SUPT16H: variants seen among roughly 807,000 people sequenced by gnomAD.
SUPT16H encodes SPT16 homolog, facilitates chromatin remodeling subunit, also known as FACT complex subunit SPT16.
A neutral mutation model predicts 136.2 loss-of-function variants in SUPT16H; 24 were observed. That is an observed-to-expected ratio of 0.18 (90% CI 0.13 to 0.25). SUPT16H has a LOEUF of 0.25. Among genes scored for constraint, SUPT16H ranks in the 10% least tolerant of loss-of-function variants. SUPT16H has a pLI of 1.00. For synonymous variants in SUPT16H, 415 were observed against 428.2 expected, an observed-to-expected ratio of 0.97 and a Z score of 0.38; for missense variants, 623 against 1,270.2, an observed-to-expected ratio of 0.49 and a Z score of 7.74.
chr14:21,382,585 G>A (rs1887052915), intron 1 of SUPT16H, among the ~76,000 whole-genome samples: 1 of 152,182 alleles, frequency 6.6e-6, no homozygotes, highest in Non-Finnish European at 1.5e-5. Context: ...GGGTACAAGA[G>A]AGGGCTTCGG....
chr14:21,367,090 G>A (rs1886688008), intron 7 of SUPT16H, among the ~76,000 whole-genome samples: 1 of 152,210 alleles, frequency 6.6e-6, no homozygotes, highest in Admixed American at 6.5e-5. Flanking sequence ...ACAGGTGCCT[G>A]CCACCACGCC....
chr14:21,372,750 T>C, intron 2 of SUPT16H: 1 of 421,626 alleles, frequency 2.4e-6, no homozygotes, highest in Non-Finnish European at 4.6e-6. Context: ...TTTGTTTAAC[T>C]CACTGTTACT....
intron 15 of SUPT16H, among the ~76,000 whole-genome samples, chr14:21,361,592 C>T (rs2139401861): frequency 6.6e-6 from 1 of 152,244 alleles, no homozygotes; most frequent in South Asian, 2.1e-4. Context: ...GCTGGGATTA[C>T]AGGCGTGAGC....
rs1472797773 is a variant in SUPT16H, at chr14:21,364,897, T to A, written c.1163A>T (p.Asn388Ile). Residue 388 changes from asparagine to isoleucine, a missense_variant, in exon 10 of 26, where the codon AAC becomes ATC. Coordinates refer to ENST00000216297, the MANE Select transcript of SUPT16H (RefSeq NM_007192.4). ...SINLGFSDLTNKEGKKPEEKT... is the reference protein window; with the variant it reads ...SINLGFSDLTIKEGKKPEEKT... ...CTCTTCTGGCTTTTTCCCCTCCTTG[T>A]TAGTCAGGTCTGAGAATCCTAAATT... 7.4e-6 allele frequency: 12 copies of A among 1,613,652 alleles called. No individual in the cohort carries two copies. Among genetic ancestry groups the A allele is most frequent in the Non-Finnish European group, 9.3e-6 (11 of 1,180,022 alleles).
chr14:21,362,520 C>T (rs1439107393), intron 14 of SUPT16H, among the ~76,000 whole-genome samples, 196 bp from the exon 15 acceptor site: 1 of 151,930 alleles, frequency 6.6e-6, no homozygotes, highest in African/African-American at 2.4e-5. Flanking sequence ...CTCAAAGTAC[C>T]TTGTACCATG....
chr14:21,354,851 C>T (rs1196944967), intron 22 of SUPT16H: 1 of 227,646 alleles, frequency 4.4e-6, no homozygotes, highest in African/African-American at 2.3e-5. Context: ...CTCAGCCTCC[C>T]AAAGTGCTGG....
intron 1 of SUPT16H, among the ~76,000 whole-genome samples, chr14:21,375,257 G>GCCC (rs71112581): frequency 1.3e-5 from 2 of 151,820 alleles, no homozygotes; most frequent in Non-Finnish European, 2.9e-5. Flanking sequence ...CAAGTGATCC[G>GCCC]CCCCCACTTG....
intron 6 of SUPT16H, 52 bp from the exon 7 acceptor site, chr14:21,368,493 C>G (rs749569233): frequency 6.5e-7 from 1 of 1,547,308 alleles, no homozygotes; most frequent in South Asian, 1.2e-5. Flanking sequence ...TAGCAAAGTC[C>G]TTGGTATCAA....
intron 3 of SUPT16H, among the ~76,000 whole-genome samples, chr14:21,371,256 C>T (rs1204653848): frequency 1.1e-4 from 16 of 152,016 alleles, no homozygotes; most frequent in Admixed American, 1.0e-3. Context: ...TTTTTATATA[C>T]TCAGGTGAAA....
intron 1 of SUPT16H, among the ~76,000 whole-genome samples, chr14:21,378,192 T>C (rs370459253): frequency 5.5e-4 from 83 of 151,952 alleles, no homozygotes; most frequent in African/African-American, 2.0e-3. Flanking sequence ...GGGAGTGAGG[T>C]TGCTCTTAAG....
intron 7 of SUPT16H, among the ~76,000 whole-genome samples, chr14:21,367,054 C>T (rs1162110551): frequency 1.3e-5 from 2 of 152,146 alleles, no homozygotes; most frequent in African/African-American, 2.4e-5. Context: ...CTTTCTCCTG[C>T]GTCAGCTTCC....
chr14:21,363,028 T>A lies in SUPT16H; in HGVS notation c.1511+6A>T, dbSNP rs1455059662. ...GATGATCTCACTGCTCAGTGAAAAC[T>A]CTTACTTCTGAATCTGCTGTTCTCC... On this transcript the variant is annotated splice_donor_region_variant and intron_variant, in intron 13 of 25. Transcript: ENST00000216297. The A allele has an allele frequency of 3.1e-6, 5 of 1,614,032 alleles. No homozygotes were observed. In the African/African-American group the frequency reaches 5.3e-5, roughly 17 times the overall value.
intron 17 of SUPT16H, 44 bp downstream of exon 17, chr14:21,360,802 G>T: frequency 6.3e-6 from 10 of 1,579,674 alleles, no homozygotes; most frequent in Non-Finnish European, 8.6e-6. Flanking sequence ...CCTAACAAAT[G>T]TGCCCTGAAG....
chr14:21,366,226 C>T (rs970644518), intron 8 of SUPT16H, among the ~76,000 whole-genome samples: 1 of 152,204 alleles, frequency 6.6e-6, no homozygotes, highest in African/African-American at 2.4e-5. Context: ...TGGGCTGGAA[C>T]ACCACACTGG....
chr14:21,381,161 A>G (rs991150096), intron 1 of SUPT16H, among the ~76,000 whole-genome samples: 9 of 152,068 alleles, frequency 5.9e-5, no homozygotes, highest in African/African-American at 2.2e-4. Context: ...GACTGACTCC[A>G]TTTTCCCATC....
In SUPT16H at chr14:21,357,240, C is replaced by T. The variant is rs764849621; in HGVS notation, c.2617G>A (p.Ala873Thr). Residue 873 changes from alanine (A) to threonine (T), a missense_variant, in exon 22 of 26, where the codon GCC (alanine) becomes ACC (threonine). Around this residue, in one of 7 missense-constraint regions of SUPT16H, gnomAD observed 74 missense variants for 193.8 expected, o/e 0.38. Coordinates refer to ENST00000216297, the MANE Select transcript of SUPT16H (RefSeq NM_007192.4). ...DYSKKVTMIN[A>T]IPVASLDPIK... Reference sequence around the variant, plus strand: ...GGGTCAAGAGAGGCTACAGGAATGGCGTTGATCATGGTCACTTTCTTGCTG... The same window carrying T: ...GGGTCAAGAGAGGCTACAGGAATGGTGTTGATCATGGTCACTTTCTTGCTG... The T allele has an allele frequency of 3.1e-6, 5 of 1,611,650 alleles. No homozygotes were observed. Among genetic ancestry groups the T allele is most frequent in the Non-Finnish European group, 4.2e-6 (5 of 1,178,902 alleles).
intron 1 of SUPT16H, 87 bp from the exon 2 acceptor site, chr14:21,373,517 T>C: frequency 1.0e-6 from 1 of 987,764 alleles, no homozygotes; most frequent in African/African-American, 1.6e-5. Context: ...ACAGGCATAA[T>C]TTTCTCCTGA....
intron 7 of SUPT16H, among the ~76,000 whole-genome samples, chr14:21,367,158 C>T (rs1886689471): frequency 6.6e-6 from 1 of 152,156 alleles, no homozygotes; most frequent in Admixed American, 6.5e-5. Flanking sequence ...CCAGGATGGT[C>T]CTGACCTCAT....
At chr14:21,360,749 G>A (rs958733317) in intron 17 of SUPT16H, 97 bp downstream of exon 17, 7 of 1,514,954 alleles carry the variant, frequency 4.6e-6, no homozygotes, top group South Asian at 2.6e-5. Context: ...TGAGCTAACC[G>A]GCGGATGGCT....
Sources: allele counts gnomAD v4.1 joint callset (sites outside exome capture counted in the v4.1 genomes callset), GRCh38; gene constraint gnomAD v4.1.1; regional missense constraint gnomAD v4.1.1; transcripts MANE v1.5; gene names NCBI Gene and HGNC (gene_info 2026-07-23, HGNC 2026-07-21).